The following TRHDE variants were observed in gnomAD, a reference collection of about 807,000 sequenced individuals.
TRHDE encodes thyrotropin-releasing hormone-degrading ectoenzyme.
Under a neutral mutation model 125.7 loss-of-function variants are expected in TRHDE, and 72 were observed. The ratio of observed to expected loss-of-function variants is 0.57; its 90% CI spans 0.47 to 0.70. TRHDE has a LOEUF of 0.70. Ranked by LOEUF, TRHDE falls within the 30% of genes least tolerant of loss-of-function variation. The pLI, the probability that TRHDE is intolerant of heterozygous loss-of-function variation, is 0.00. For synonymous variants in TRHDE, 509 were observed against 509.1 expected (o/e 1.00, Z 0.00); for missense variants, 1,110 against 1,327.1 (o/e 0.84, Z 2.54).
chr12:72,235,299 G>A (rs1878319783), intron 2 of TRHDE, among the ~76,000 whole-genome samples: 1 of 152,142 alleles, frequency 6.6e-6, no homozygotes, highest in South Asian at 2.1e-4. Flanking sequence ...TACCGGCACT[G>A]TTCTAAGAAC....
At chr12:72,314,382 A>T (rs1172174707) in intron 2 of TRHDE, among the ~76,000 whole-genome samples, 1 of 150,774 alleles carries the variant, frequency 6.6e-6, no homozygotes, top group African/African-American at 2.4e-5. Flanking sequence ...AACCTTATAA[A>T]TGCAAACTTG....
intron 2 of TRHDE, among the ~76,000 whole-genome samples, chr12:72,135,467 G>C (rs2034647716): frequency 6.6e-6 from 1 of 151,958 alleles, no homozygotes; most frequent in African/African-American, 2.4e-5. Flanking sequence ...ACAAAGCTCA[G>C]CAGTGGTTGG....
chr12:72,630,680 T>A (rs544441123), intron 15 of TRHDE, among the ~76,000 whole-genome samples: 1 of 151,778 alleles, frequency 6.6e-6, no homozygotes, highest in Non-Finnish European at 1.5e-5. Flanking sequence ...ACAAACTTCA[T>A]CCTTATTTTT....
chr12:72,122,746 T>C (rs184773088), intron 2 of TRHDE, among the ~76,000 whole-genome samples: 157 of 152,222 alleles, frequency 1.0e-3, no homozygotes, highest in African/African-American at 3.5e-3. Flanking sequence ...AATGATCTAA[T>C]CCAAAAAATA....
intron 2 of TRHDE, among the ~76,000 whole-genome samples, chr12:72,239,343 T>C (rs1878429213): frequency 6.6e-6 from 1 of 152,226 alleles, no homozygotes; most frequent in African/African-American, 2.4e-5. Context: ...GGTTGCCTGT[T>C]CACTCTGATG....
chr12:72,658,456 C>G (rs1874791172), intron 18 of TRHDE, among the ~76,000 whole-genome samples: 1 of 152,136 alleles, frequency 6.6e-6, no homozygotes, highest in African/African-American at 2.4e-5. Flanking sequence ...GTGCTTCTCT[C>G]CTTCTCTTTT....
intron 2 of TRHDE, chr12:72,263,836 C>T (rs1879006902): frequency 6.6e-6 from 1 of 151,998 alleles, no homozygotes; most frequent in Non-Finnish European, 1.5e-5. Flanking sequence ...TAATGGATAG[C>T]TTATGACATT....
At chr12:72,471,791 T>C (rs534157835) in intron 4 of TRHDE, among the ~76,000 whole-genome samples, 60 of 152,364 alleles carry the variant, frequency 3.9e-4, no homozygotes, top group African/African-American at 1.4e-3. Context: ...ACAGATACTT[T>C]ACTGTTACTA....
At chr12:72,634,077 G>C (rs578001290) in intron 15 of TRHDE, among the ~76,000 whole-genome samples, 1 of 152,168 alleles carries the variant, frequency 6.6e-6, no homozygotes, top group South Asian at 2.1e-4. Context: ...ATATACACTA[G>C]GCCCTGTGCT....
chr12:72,436,906 C>A (rs1227372981), intron 3 of TRHDE, among the ~76,000 whole-genome samples: 2 of 151,824 alleles, frequency 1.3e-5, no homozygotes. Flanking sequence ...CACGCAACTA[C>A]CCATCATCTA....
Position 72,389,543 on chromosome 12 carries a change from G to A in TRHDE, c.1315+11422G>A, listed in dbSNP as rs571003017. On this transcript the variant is annotated intron_variant, in intron 3 of 18. Coordinates refer to ENST00000261180, the MANE Select transcript of TRHDE (RefSeq NM_013381.3). ...TAGACTAGAGCGCTGGTGGGGTCAGGCTCTGGTGAGGGCTCTTTTCCTGGC... is the reference window on the plus strand; with the variant it reads ...TAGACTAGAGCGCTGGTGGGGTCAGACTCTGGTGAGGGCTCTTTTCCTGGC... Among the ~76,000 whole-genome samples, 13 of 152,294 alleles carry A rather than the reference G, an allele frequency of 8.5e-5. No individual in the cohort carries two copies. The South Asian group carries it at 2.1e-3, about 24-fold the overall frequency.
chr12:72,093,094 T>G (rs1302956220), intron 1 of TRHDE, among the ~76,000 whole-genome samples: 1 of 152,206 alleles, frequency 6.6e-6, no homozygotes, highest in Non-Finnish European at 1.5e-5. Flanking sequence ...AAATTAGAAA[T>G]TATTTTAAAT....
chr12:72,153,557 A>G (rs1436462015), intron 2 of TRHDE, among the ~76,000 whole-genome samples: 2 of 152,094 alleles, frequency 1.3e-5, no homozygotes, highest in Non-Finnish European at 2.9e-5. Context: ...CCCTCTACAC[A>G]CTGCTTTGAA....
At chr12:72,468,804 C>T (rs1876506304) in intron 3 of TRHDE, among the ~76,000 whole-genome samples, 1 of 152,222 alleles carries the variant, frequency 6.6e-6, no homozygotes. Context: ...AGGCCTGTTG[C>T]TTCACATGCA....
At chr12:72,160,043 A>G (rs1252112170) in intron 2 of TRHDE, among the ~76,000 whole-genome samples, 2 of 152,128 alleles carry the variant, frequency 1.3e-5, no homozygotes, top group Non-Finnish European at 2.9e-5. Context: ...CATTCATGCC[A>G]TGCTTTTATT....
chr12:72,522,622 T>C (rs1220648689), intron 6 of TRHDE, among the ~76,000 whole-genome samples: 1 of 152,214 alleles, frequency 6.6e-6, no homozygotes, highest in Non-Finnish European at 1.5e-5. Flanking sequence ...TATCATACTT[T>C]ATTAATAAGT....
At chr12:72,634,036 T>C (rs1873610631) in intron 15 of TRHDE, among the ~76,000 whole-genome samples, 1 of 152,050 alleles carries the variant, frequency 6.6e-6, no homozygotes, top group African/African-American at 2.4e-5. Flanking sequence ...GCAGTGCACA[T>C]TGTGGAGATA....
chr12:72,380,590 CA>C (rs1872095885), intron 3 of TRHDE, among the ~76,000 whole-genome samples: 2 of 152,062 alleles, frequency 1.3e-5, no homozygotes, highest in Admixed American at 1.3e-4. Flanking sequence ...TGAGGAACAA[CA>C]AAGAGGCAAG....
chr12:72,383,370 A>ATTTTTTTT (rs552559387), intron 3 of TRHDE, among the ~76,000 whole-genome samples: 9 of 100,946 alleles, frequency 8.9e-5, no homozygotes, highest in East Asian at 2.6e-4. Context: ...AACCCATTTA[A>ATTTTTTTT]TTTTTTTTTT....
Sources: allele counts gnomAD v4.1 joint callset (sites outside exome capture counted in the v4.1 genomes callset), GRCh38; gene constraint gnomAD v4.1.1; transcripts MANE v1.5; gene names NCBI Gene and HGNC (gene_info 2026-07-23, HGNC 2026-07-21).